The following ZNRF1 variants were observed in gnomAD, a reference collection of about 807,000 sequenced individuals.
ZNRF1 encodes zinc and ring finger 1.
In ZNRF1, 3 loss-of-function variants were observed where a neutral mutation model predicts 18.4. The ratio of observed to expected loss-of-function variants is 0.16; its 90% confidence interval spans 0.07 to 0.42. ZNRF1 has a LOEUF of 0.42. Ranked by LOEUF, ZNRF1 falls within the 10% of genes least tolerant of loss-of-function variation. The pLI, the probability that ZNRF1 is intolerant of heterozygous loss-of-function variation, is 0.99. For missense variants in ZNRF1, 310 were observed against 329.8 expected, an observed-to-expected ratio of 0.94 and a Z score of 0.47; for synonymous variants, 157 against 144.2, an observed-to-expected ratio of 1.09 and a Z score of -0.64.
At chr16:75,041,210 G>A (rs1167231227) in intron 1 of ZNRF1, among the ~76,000 whole-genome samples, 1 of 152,176 alleles carries the variant, frequency 6.6e-6, no homozygotes, top group Non-Finnish European at 1.5e-5. Context: ...ATTTTCATGG[G>A]CAATGGTTGA....
intron 2 of ZNRF1, chr16:75,104,506 C>T (rs2036290310): frequency 6.7e-6 from 2 of 296,912 alleles, no homozygotes; most frequent in Non-Finnish European, 1.3e-5. Context: ...CTACCCTTCT[C>T]CAAGCCTTTT....
At chr16:75,047,117 C>T (rs1037832084) in intron 1 of ZNRF1, among the ~76,000 whole-genome samples, 2 of 152,196 alleles carry the variant, frequency 1.3e-5, no homozygotes, top group Non-Finnish European at 2.9e-5. Context: ...CCACCCCATT[C>T]ATTTGAACTG....
intron 1 of ZNRF1, among the ~76,000 whole-genome samples, chr16:75,034,567 A>G (rs955481016): frequency 1.3e-5 from 2 of 152,196 alleles, no homozygotes; most frequent in Non-Finnish European, 2.9e-5. Context: ...ATTGTGAACA[A>G]TGCTGTGAAC....
intron 1 of ZNRF1, among the ~76,000 whole-genome samples, chr16:75,056,964 T>C (rs2035675741): frequency 6.6e-6 from 1 of 152,210 alleles, no homozygotes; most frequent in Non-Finnish European, 1.5e-5. Flanking sequence ...TGCCACTAGA[T>C]TCCTCTCCTG....
intron 1 of ZNRF1, among the ~76,000 whole-genome samples, chr16:75,016,395 C>T (rs947933541): frequency 6.6e-6 from 1 of 151,362 alleles, no homozygotes; most frequent in African/African-American, 2.4e-5. Flanking sequence ...CACGCCACCA[C>T]ACCCTACTAA....
At chr16:75,093,422 C>T in intron 1 of ZNRF1, 150 bp from the exon 2 acceptor site, 3 of 543,380 alleles carry the variant, frequency 5.5e-6, no homozygotes, top group Non-Finnish European at 1.0e-5. Context: ...TCAAATGAGT[C>T]CTTGAAGGAG....
intron 1 of ZNRF1, among the ~76,000 whole-genome samples, chr16:75,006,713 G>C (rs944082367): frequency 6.6e-6 from 1 of 152,226 alleles, no homozygotes; most frequent in African/African-American, 2.4e-5. Flanking sequence ...TGGCATTACA[G>C]GCATGAGCTA....
chr16:75,011,918 G>GT (rs2035005133), intron 1 of ZNRF1, among the ~76,000 whole-genome samples: 1 of 152,118 alleles, frequency 6.6e-6, no homozygotes, highest in Non-Finnish European at 1.5e-5. Flanking sequence ...GAGCTGTTCT[G>GT]TTTTGCTGTG....
chr16:75,026,726 A>G (rs969178367), intron 1 of ZNRF1, among the ~76,000 whole-genome samples: 1 of 152,054 alleles, frequency 6.6e-6, no homozygotes, highest in Non-Finnish European at 1.5e-5. Flanking sequence ...ACTTGAGGCC[A>G]GGAGTTCGAG....
At chr16:75,077,280 C>G (rs989400363) in intron 1 of ZNRF1, among the ~76,000 whole-genome samples, 2 of 152,206 alleles carry the variant, frequency 1.3e-5, no homozygotes, top group South Asian at 2.1e-4. Context: ...CGCCTGTAAT[C>G]CCATCACTTT....
intron 1 of ZNRF1, among the ~76,000 whole-genome samples, chr16:75,085,512 T>C (rs2036062184): frequency 6.6e-6 from 1 of 152,216 alleles, no homozygotes; most frequent in African/African-American, 2.4e-5. Flanking sequence ...TGACTATTTG[T>C]AGGTATATGT....
chr16:75,014,504 C>G (rs972019702), intron 1 of ZNRF1, among the ~76,000 whole-genome samples: 1 of 152,158 alleles, frequency 6.6e-6, no homozygotes, highest in African/African-American at 2.4e-5. Flanking sequence ...ATTTTCACAG[C>G]TATACTCTAT....
intron 1 of ZNRF1, among the ~76,000 whole-genome samples, chr16:75,040,943 A>G (rs967896610): frequency 2.6e-5 from 4 of 152,150 alleles, no homozygotes; most frequent in African/African-American, 7.2e-5. Flanking sequence ...TGTGTTGAGT[A>G]TGTATCAGTA....
At chr16:75,073,283 G>T (rs573907035) in intron 1 of ZNRF1, among the ~76,000 whole-genome samples, 1 of 151,520 alleles carries the variant, frequency 6.6e-6, no homozygotes, top group South Asian at 2.1e-4. Flanking sequence ...TTGATTGCTT[G>T]CTAGTTTTTA....
At chr16:75,015,094 G>A (rs916834778) in intron 1 of ZNRF1, among the ~76,000 whole-genome samples, 47 of 152,008 alleles carry the variant, frequency 3.1e-4, no homozygotes, top group African/African-American at 1.1e-3. Context: ...CTCTCAGTTT[G>A]TGGCTTATCT....
chr16:75,102,417 G>A (rs1016201244), intron 2 of ZNRF1, among the ~76,000 whole-genome samples: 9 of 152,122 alleles, frequency 5.9e-5, no homozygotes, highest in Admixed American at 1.3e-4. Context: ...AGGAAGACAC[G>A]CACATGTGTT....
chr16:75,103,414 A>G (rs2036275010), intron 2 of ZNRF1, among the ~76,000 whole-genome samples: 2 of 152,200 alleles, frequency 1.3e-5, no homozygotes, highest in Admixed American at 6.5e-5. Context: ...CATCGCCCCA[A>G]AAGAAAACCT....
At chr16:75,016,277 C>A (rs1437791859) in intron 1 of ZNRF1, among the ~76,000 whole-genome samples, 1 of 151,302 alleles carries the variant, frequency 6.6e-6, no homozygotes, top group Non-Finnish European at 1.5e-5. Context: ...CTCACTCTGT[C>A]GCCCAGGCTG....
At chr16:75,042,899 G>A (rs2035467882) in intron 1 of ZNRF1, among the ~76,000 whole-genome samples, 1 of 152,322 alleles carries the variant, frequency 6.6e-6, no homozygotes, top group Middle Eastern at 3.4e-3. Flanking sequence ...AATGCTTGAT[G>A]TATTAGCGTT....
Sources: allele counts gnomAD v4.1 joint callset (sites outside exome capture counted in the v4.1 genomes callset), GRCh38; gene constraint gnomAD v4.1.1; transcripts MANE v1.5; gene names NCBI Gene and HGNC (gene_info 2026-07-23, HGNC 2026-07-21).